Variants in PALLD observed in about 807,000 individuals in gnomAD.
The protein encoded by PALLD is palladin, cytoskeletal associated protein, also known as palladin.
PALLD carries 61 observed loss-of-function variants against 123.5 expected under a neutral mutation model. The ratio of observed to expected loss-of-function variants is 0.49; its 90% CI spans 0.40 to 0.61. PALLD has a LOEUF of 0.61. PALLD is among the 20% of genes least tolerant of loss of function. The pLI is 0.00. For synonymous variants in PALLD, 465 were observed against 496.4 expected, an observed-to-expected ratio of 0.94 and a Z score of 0.84; for missense variants, 1,273 against 1,377.0, an observed-to-expected ratio of 0.92 and a Z score of 1.20.
At chr4:168,680,727 G>A (rs1477789650) in intron 3 of PALLD, among the ~76,000 whole-genome samples, 2 of 152,114 alleles carry the variant, frequency 1.3e-5, no homozygotes, top group African/African-American at 2.4e-5. Context: ...AATTTTTTAA[G>A]TCTGTCACCT....
intron 2 of PALLD, among the ~76,000 whole-genome samples, chr4:168,560,694 G>A (rs1009538935): frequency 6.6e-5 from 10 of 152,262 alleles, no homozygotes; most frequent in Non-Finnish European, 1.3e-4. Flanking sequence ...AGTCAGACAT[G>A]TATTCAACCA....
chr4:168,522,297 T>C (rs745529264), intron 2 of PALLD, among the ~76,000 whole-genome samples: 16 of 152,246 alleles, frequency 1.1e-4, no homozygotes, highest in Non-Finnish European at 2.4e-4. Context: ...CTCAGCTAGA[T>C]AAATTGACCT....
intron 2 of PALLD, among the ~76,000 whole-genome samples, chr4:168,655,174 A>C (rs986257847): frequency 1.3e-5 from 2 of 152,230 alleles, no homozygotes; most frequent in Non-Finnish European, 2.9e-5. Context: ...TTCATTTATC[A>C]TAGCTCTCCT....
chr4:168,894,685 G>A lies in PALLD; in HGVS notation c.2199+8G>A, dbSNP rs200060953. The A allele has an allele frequency of 8.0e-4, 1,290 of 1,612,400 alleles. 6 individuals are homozygous for A. The Middle Eastern group carries it at 0.017, about 21-fold the overall frequency. On this transcript the variant is annotated splice_region_variant and intron_variant, in intron 12 of 21. Coordinates refer to ENST00000505667, the MANE Select transcript of PALLD (RefSeq NM_001166108.2). ...GAGGAAACAGCTAATCAGGTACCAT[G>A]TTGCTCTGGACTTCTTAGGGTAACA... is the stretch of plus-strand genomic sequence containing the variant.
chr4:168,645,644 C>T, intron 2 of PALLD, among the ~76,000 whole-genome samples: 1 of 152,186 alleles, frequency 6.6e-6, no homozygotes, highest in Non-Finnish European at 1.5e-5. Context: ...TCATTATATA[C>T]TACATTCACT....
intron 10 of PALLD, among the ~76,000 whole-genome samples, chr4:168,728,004 A>G (rs1331184104): frequency 1.3e-5 from 2 of 152,152 alleles, no homozygotes; most frequent in Non-Finnish European, 2.9e-5. Flanking sequence ...AGCCTTGTCA[A>G]AGATCAAATG....
intron 2 of PALLD, among the ~76,000 whole-genome samples, chr4:168,532,256 T>C (rs928508481): frequency 5.9e-5 from 9 of 152,220 alleles, no homozygotes; most frequent in African/African-American, 2.2e-4. Context: ...GCAAGGGATA[T>C]GATCTCGTTC....
At chr4:168,710,970 T>C (rs1187254493) in intron 9 of PALLD, among the ~76,000 whole-genome samples, 2 of 128,586 alleles carry the variant, frequency 1.6e-5, no homozygotes, top group African/African-American at 7.3e-5. Context: ...TGCTGGGCTG[T>C]GTGGGCAAGG....
In PALLD at chr4:168,512,210, T is replaced by TCC. The variant is rs1212673100; in HGVS notation, c.709_710dup (p.Gly238LeufsTer41). On this transcript the variant is annotated frameshift_variant, in exon 2 of 22. Coordinates refer to ENST00000505667, the MANE Select transcript of PALLD (RefSeq NM_001166108.2). LOFTEE classifies it high-confidence loss of function. ...AGGGGAGATGGAAAGAGAGGTCAAG[T>TCC]CCCCTGGGGCCAGGCATTGCTACCA... The TCC allele has an allele frequency of 6.2e-7, 1 of 1,613,616 alleles. No homozygotes were observed. The highest frequency in any genetic ancestry group is 8.5e-7 in the Non-Finnish European group (1 of 1,179,718).
chr4:168,734,615 C>T (rs115041707), intron 10 of PALLD, among the ~76,000 whole-genome samples: 166 of 152,226 alleles, frequency 1.1e-3, no homozygotes, highest in African/African-American at 3.7e-3. Context: ...CTTCATTAGC[C>T]GTTACTATGG....
intron 2 of PALLD, among the ~76,000 whole-genome samples, chr4:168,602,471 G>A (rs28605286): frequency 0.031 from 4,733 of 152,212 alleles, 252 homozygotes; most frequent in African/African-American, 0.11. Context: ...GACTCCATAC[G>A]TGAACTCTGA....
At chr4:168,523,730 C>T (rs932496579) in intron 2 of PALLD, among the ~76,000 whole-genome samples, 2 of 152,118 alleles carry the variant, frequency 1.3e-5, no homozygotes, top group Non-Finnish European at 2.9e-5. Flanking sequence ...ACCAGAAGCA[C>T]GGTAACATTC....
chr4:168,687,448 G>A (rs1053012015), intron 6 of PALLD, among the ~76,000 whole-genome samples: 6 of 152,220 alleles, frequency 3.9e-5, no homozygotes, highest in Non-Finnish European at 8.8e-5. Flanking sequence ...TAAGAGTTTT[G>A]CACAAGCAGC....
At chr4:168,783,496 G>A (rs551556483) in intron 10 of PALLD, among the ~76,000 whole-genome samples, 18 of 152,182 alleles carry the variant, frequency 1.2e-4, no homozygotes, top group East Asian at 9.7e-4. Flanking sequence ...GAGACCAGGA[G>A]GAGCATGAAC....
intron 15 of PALLD, among the ~76,000 whole-genome samples, chr4:168,906,662 T>A (rs2151335938): frequency 6.6e-6 from 1 of 152,314 alleles, no homozygotes; most frequent in African/African-American, 2.4e-5. Context: ...TCTTCCTCAG[T>A]CACCCAGGCT....
intron 10 of PALLD, among the ~76,000 whole-genome samples, chr4:168,808,738 G>C (rs919788426): frequency 6.6e-6 from 1 of 152,194 alleles, no homozygotes; most frequent in African/African-American, 2.4e-5. Flanking sequence ...GAGAGCATGA[G>C]AGCCGATGGA....
At chr4:168,552,341 CA>C (rs1352143442) in intron 2 of PALLD, among the ~76,000 whole-genome samples, 3 of 152,214 alleles carry the variant, frequency 2.0e-5, no homozygotes, top group Non-Finnish European at 2.9e-5. Flanking sequence ...GAGAAACAAG[CA>C]GGTATATTTA....
chr4:168,831,755 T>C (rs1581681446), intron 10 of PALLD, among the ~76,000 whole-genome samples: 1 of 152,074 alleles, frequency 6.6e-6, no homozygotes, highest in Admixed American at 6.6e-5. Flanking sequence ...AGGAGAATCA[T>C]CCTAACAAGC....
intron 2 of PALLD, among the ~76,000 whole-genome samples, chr4:168,650,038 G>A (rs780612863): frequency 3.3e-5 from 5 of 152,114 alleles, no homozygotes; most frequent in Admixed American, 6.5e-5. Flanking sequence ...ACCAGGCATG[G>A]TGGTGGATGC....
Sources: gnomAD v4.1 joint callset for allele counts (sites outside exome capture counted in the v4.1 genomes callset) on GRCh38, gnomAD v4.1.1 for gene constraint, MANE v1.5 for transcripts, NCBI Gene and HGNC (gene_info 2026-07-23, HGNC 2026-07-21) for gene names.